The following ARL9 variants were observed in gnomAD, a reference collection of about 807,000 sequenced individuals.
The protein encoded by ARL9 is ADP-ribosylation factor-like protein 9.
In ARL9, 14 loss-of-function variants were observed where a neutral mutation model predicts 27.0. That is an observed-to-expected ratio of 0.52 (90% CI 0.34 to 0.81). The LOEUF (loss-of-function observed/expected upper bound fraction) is 0.81. Ranked by LOEUF, ARL9 falls within the 30% of genes least tolerant of loss-of-function variation. The pLI is 0.01. For missense variants in ARL9, 294 were observed against 290.0 expected, an observed-to-expected ratio of 1.01 and a Z score of -0.10; for synonymous variants, 106 against 108.7, an observed-to-expected ratio of 0.98 and a Z score of 0.15.
At chr4:56,511,573 G>A (rs79935716) in intron 2 of ARL9, among the ~76,000 whole-genome samples, 1,611 of 152,252 alleles carry the variant, frequency 0.011, 33 homozygotes, top group African/African-American at 0.036. Context: ...GGGGAATTTA[G>A]AGGAAGGCTT....
chr4:56,521,028 G>A (rs1230823434), intron 3 of ARL9, among the ~76,000 whole-genome samples: 2 of 151,970 alleles, frequency 1.3e-5, no homozygotes, highest in African/African-American at 4.8e-5. Context: ...TGGCCAACAT[G>A]GTGAAACCCT....
chr4:56,506,483 C>T (rs1357231716), intron 1 of ARL9, among the ~76,000 whole-genome samples: 1 of 152,022 alleles, frequency 6.6e-6, no homozygotes, highest in Non-Finnish European at 1.5e-5. Context: ...AGCGCACAGA[C>T]CACCTGACCA....
intron 1 of ARL9, among the ~76,000 whole-genome samples, chr4:56,508,527 C>G (rs1721532844): frequency 6.6e-6 from 1 of 152,150 alleles, no homozygotes. Flanking sequence ...GCTGGGATTA[C>G]TGGCATTCGC....
chr4:56,508,498 T>G (rs1721532092), intron 1 of ARL9, among the ~76,000 whole-genome samples: 1 of 152,150 alleles, frequency 6.6e-6, no homozygotes, highest in Non-Finnish European at 1.5e-5. Flanking sequence ...TTGTCCTGCC[T>G]TACTTAGCCT....
chr4:56,509,053 T>TA (rs1312642472), intron 1 of ARL9, among the ~76,000 whole-genome samples: 1 of 152,180 alleles, frequency 6.6e-6, no homozygotes, highest in Non-Finnish European at 1.5e-5. Flanking sequence ...TATTTATTAT[T>TA]GTTTATGTTA....
chr4:56,516,031 G>A (rs914994999), intron 2 of ARL9, among the ~76,000 whole-genome samples: 1 of 152,148 alleles, frequency 6.6e-6, no homozygotes, highest in Non-Finnish European at 1.5e-5. Flanking sequence ...GACTTGTCCT[G>A]TCAAGTATCA....
chr4:56,522,448 GAA>G (rs532389399), intron 3 of ARL9, among the ~76,000 whole-genome samples: 1 of 145,898 alleles, frequency 6.9e-6, no homozygotes, highest in African/African-American at 2.5e-5. Flanking sequence ...TATGATACAG[GAA>G]AAAAAAAAGA....
chr4:56,519,691 G>A lies in ARL9; in HGVS notation c.618+838G>A, dbSNP rs545251146. On this transcript the variant is annotated intron_variant, in intron 3 of 3. Coordinates refer to ENST00000640821, the MANE Select transcript of ARL9 (RefSeq NM_001363794.2). ...ATTAAAAGCAGGGACTCAAATTGAT[G>A]TTCATATGTTTGGCTGTTTTATGTT... Among the ~76,000 whole-genome samples, 33 of 152,172 alleles carry A rather than the reference G, an allele frequency of 2.2e-4. No homozygotes were observed. The South Asian group carries it at 6.8e-3, about 32-fold the overall frequency.
At chr4:56,505,734 C>G, upstream of ARL9, 2 of 1,386,680 alleles carry the variant, frequency 1.4e-6, no homozygotes, top group South Asian at 1.6e-5. Context: ...TGGCAGCGCC[C>G]GCGGGTTGTC....
intron 3 of ARL9, among the ~76,000 whole-genome samples, chr4:56,521,007 C>T (rs1403028809): frequency 6.6e-6 from 1 of 151,832 alleles, no homozygotes; most frequent in Non-Finnish European, 1.5e-5. Flanking sequence ...GTCAGGAGTT[C>T]GAGACCAGCC....
chr4:56,514,233 T>C (rs1413835649), intron 2 of ARL9, among the ~76,000 whole-genome samples: 1 of 152,120 alleles, frequency 6.6e-6, no homozygotes, highest in Non-Finnish European at 1.5e-5. Context: ...TAATCTTAAA[T>C]GATTATAGCT....
intron 2 of ARL9, among the ~76,000 whole-genome samples, chr4:56,515,797 C>G (rs1465961404): frequency 6.6e-6 from 1 of 152,090 alleles, no homozygotes; most frequent in Non-Finnish European, 1.5e-5. Flanking sequence ...TCATTGAAAT[C>G]AAAAGACCTA....
At chr4:56,523,255 G>A (rs1309218158) in intron 3 of ARL9, among the ~76,000 whole-genome samples, 1 of 152,116 alleles carries the variant, frequency 6.6e-6, no homozygotes, top group Admixed American at 6.5e-5. Flanking sequence ...GGGGCGTGGT[G>A]GCACACACCT....
At position 56,523,734 on chromosome 4, in the gene ARL9, A is replaced by C; in HGVS notation, c.656A>C (p.Glu219Ala). Residue 219 changes from glutamate (E) to alanine (A), a missense_variant, in exon 4 of 4, where the codon GAA becomes GCA. Coordinates refer to ENST00000640821, the MANE Select transcript of ARL9 (RefSeq NM_001363794.2). ...EAAYHITDIH[E>A]ALALSEVGND... ...GCCTATCACATTACAGATATCCATG[A>C]AGCTTTGGCATTATCTGAAGTGGGA... 1.2e-6 allele frequency: 2 copies of C among 1,613,968 alleles called. No homozygotes were observed. The highest frequency in any genetic ancestry group is 1.1e-5 in the South Asian group (1 of 91,080).
intron 2 of ARL9, among the ~76,000 whole-genome samples, chr4:56,513,389 C>T (rs1219984276): frequency 1.3e-5 from 2 of 152,182 alleles, no homozygotes; most frequent in Non-Finnish European, 2.9e-5. Context: ...CAACATTCTA[C>T]AGATCATCTC....
chr4:56,507,696 C>G (rs922965978), intron 1 of ARL9, among the ~76,000 whole-genome samples: 1 of 151,062 alleles, frequency 6.6e-6, no homozygotes, highest in Non-Finnish European at 1.5e-5. Context: ...AAAAAAAAGC[C>G]GGCGCAGTGG....
upstream of ARL9, chr4:56,505,234 A>G: frequency 8.8e-6 from 3 of 341,696 alleles, no homozygotes; most frequent in South Asian, 6.3e-5. Flanking sequence ...AATCCTGGGT[A>G]ATAGTCAACT....
chr4:56,511,908 C>T (rs1721647689), intron 2 of ARL9, among the ~76,000 whole-genome samples: 1 of 152,170 alleles, frequency 6.6e-6, no homozygotes, highest in Non-Finnish European at 1.5e-5. Context: ...CCAAACATAT[C>T]CAAGTCCTCT....
Position 56,523,898 on chromosome 4 carries a change from G to C in ARL9, c.*22G>C. ...GTGACCAGGACTCAGCCCACTGTGC[G>C]GCTCACGACTGAGATGTCATCAGTG... On this transcript the variant is annotated 3_prime_UTR_variant, in exon 4 of 4. Coordinates refer to ENST00000640821, the MANE Select transcript of ARL9 (RefSeq NM_001363794.2). 3 of 1,596,144 alleles carry C rather than the reference G, an allele frequency of 1.9e-6. No individual in the cohort carries two copies. The highest frequency in any genetic ancestry group is 2.6e-6 in the Non-Finnish European group (3 of 1,170,756).
Sources: gnomAD v4.1 joint callset for allele counts (sites outside exome capture counted in the v4.1 genomes callset) on GRCh38, gnomAD v4.1.1 for gene constraint, MANE v1.5 for transcripts, NCBI Gene and HGNC (gene_info 2026-07-23, HGNC 2026-07-21) for gene names.